CKAP2: variants seen among roughly 807,000 people sequenced by gnomAD.
CKAP2 encodes cytoskeleton associated protein 2.
Under a neutral mutation model 58.4 loss-of-function variants are expected in CKAP2, and 46 were observed. The ratio of observed to expected loss-of-function variants is 0.79; its 90% CI spans 0.62 to 1.01. The LOEUF (loss-of-function observed/expected upper bound fraction) is 1.01, where lower values mean the gene tolerates loss of function less well. Ranked by LOEUF, CKAP2 falls within the 50% of genes least tolerant of loss-of-function variation. CKAP2 has a pLI of 0.00. For missense variants in CKAP2, 809 were observed against 796.4 expected (o/e 1.02, Z -0.19); for synonymous variants, 293 against 280.9 (o/e 1.04, Z -0.43).
intron 7 of CKAP2, among the ~76,000 whole-genome samples, chr13:52,472,698 G>C (rs974583306): frequency 6.6e-6 from 1 of 152,046 alleles, no homozygotes; most frequent in Non-Finnish European, 1.5e-5. Flanking sequence ...TGGATAAGAC[G>C]CTCCTAATAC....
intron 7 of CKAP2, among the ~76,000 whole-genome samples, chr13:52,470,111 C>CTTT (rs34623381): frequency 1.4e-5 from 2 of 139,100 alleles, no homozygotes; most frequent in African/African-American, 5.3e-5. Context: ...TGAACTTTTT[C>CTTT]TTTTTTTTTT....
At chr13:52,458,481 G>GGT (rs1419387138) in intron 2 of CKAP2, among the ~76,000 whole-genome samples, 1 of 152,122 alleles carries the variant, frequency 6.6e-6, no homozygotes, top group Non-Finnish European at 1.5e-5. Flanking sequence ...AATCCAACAA[G>GGT]GTCAGGGGTT....
intron 6 of CKAP2, 124 bp from the exon 7 acceptor site, chr13:52,468,154 A>G: frequency 1.7e-6 from 1 of 598,806 alleles, no homozygotes; most frequent in African/African-American, 1.9e-5. Flanking sequence ...TCTGAGAAGC[A>G]TGGTTTAAGA....
Position 52,473,575 on chromosome 13 carries a change from G to A in CKAP2, c.1547-254G>A, listed in dbSNP as rs1386446221. 2.5e-5 allele frequency: 9 copies of A among 359,258 alleles called. No individual in the cohort carries two copies. In the East Asian group the frequency reaches 3.6e-4, roughly 14 times the overall value. The allele number at this position is 359,258 out of a possible 1,614,324, so 22.3% of individuals were successfully genotyped here. Reference sequence around the variant, plus strand: ...CCCTAACCATCTCCCTATACCACAGGCAAAGTTAGTTGTTTCTTTTTGTGG... The same window carrying A: ...CCCTAACCATCTCCCTATACCACAGACAAAGTTAGTTGTTTCTTTTTGTGG... On this transcript the variant is annotated intron_variant, in intron 7 of 8. Transcript: ENST00000258607.
At chr13:52,456,745 G>A (rs1394837202) in intron 2 of CKAP2, 138 bp downstream of exon 2, 2 of 644,800 alleles carry the variant, frequency 3.1e-6, no homozygotes, top group Non-Finnish European at 5.4e-6. Flanking sequence ...ATTATTTTAC[G>A]TCTTTTTGTG....
rs767464830 is a variant in CKAP2 at position 52,461,637 on chromosome 13, A to T, written c.811A>T (p.Ile271Phe). The T allele has an allele frequency of 9.9e-6, 16 of 1,614,086 alleles. No individual in the cohort carries two copies. Among genetic ancestry groups the T allele is most frequent in the Non-Finnish European group, 1.4e-5 (16 of 1,180,036 alleles). ...SNTRDTVKQGISRTSANVTIR... is the reference protein window; with the variant it reads ...SNTRDTVKQGFSRTSANVTIR... ...TACCCGGGACACTGTGAAACAAGGC[A>T]TCAGTAGAACTTCTGCCAATGTTAC... is the stretch of plus-strand genomic sequence containing the variant. The change falls in exon 4 of 9, where the codon ATC becomes TTC. Residue 271 changes from isoleucine (I) to phenylalanine (F), a missense_variant. Around this residue, in one of 3 missense-constraint regions of CKAP2, gnomAD observed 523 missense variants for 492.4 expected, o/e 1.06. Transcript: ENST00000258607.
intron 2 of CKAP2, among the ~76,000 whole-genome samples, chr13:52,458,768 A>G (rs908513868): frequency 6.6e-6 from 1 of 152,062 alleles, no homozygotes; most frequent in Non-Finnish European, 1.5e-5. Flanking sequence ...GAGGCAGAAG[A>G]ATCGCTTGAA....
Position 52,462,534 on chromosome 13 carries a change from C to T in CKAP2, c.1272C>T (p.Asn424=). 1 of 1,613,838 alleles carries T rather than the reference C, an allele frequency of 6.2e-7. No individual in the cohort carries two copies. Among genetic ancestry groups the T allele is most frequent in the East Asian group, 2.2e-5 (1 of 44,854 alleles). Residue 424 remains asparagine, a synonymous_variant, in exon 5 of 9, where the codon AAC becomes AAT. Coordinates refer to ENST00000258607, the MANE Select transcript of CKAP2 (RefSeq NM_018204.5). ...GATTATTTACTGAAAAAGTAAACAA[C>T]ACATTTTCTGAATGCCTGAACTTGA... is the stretch of plus-strand genomic sequence containing the variant. The part of the protein sequence containing the change: ...EQRLFTEKVN[N]TFSECLNLIN...
At chr13:52,473,804 T>C (rs757672939) in intron 7 of CKAP2, 25 bp from the exon 8 acceptor site, 1 of 1,561,442 alleles carries the variant, frequency 6.4e-7, no homozygotes, top group African/African-American at 1.4e-5. Flanking sequence ...GCCAAAAGCT[T>C]AATCTATAAA....
chr13:52,464,734 T>C (rs552296185), intron 5 of CKAP2, among the ~76,000 whole-genome samples: 2 of 152,250 alleles, frequency 1.3e-5, no homozygotes, highest in African/African-American at 4.8e-5. Flanking sequence ...TTTAATCTTG[T>C]TTTGGTCACC....
rs775705785 is a variant in CKAP2 at position 52,461,206 on chromosome 13, C to T, written c.380C>T (p.Pro127Leu). Reference sequence around the variant, plus strand: ...AAACCTAAGGATAGTAATCAAACTCCGCATTTGTTACTAACTGAAGATGAT... The same window carrying T: ...AAACCTAAGGATAGTAATCAAACTCTGCATTTGTTACTAACTGAAGATGAT... ...THKPKDSNQT[P>L]HLLLTEDDPQ... Residue 127 changes from proline to leucine, a missense_variant, in exon 4 of 9, where the codon CCG (proline) becomes CTG (leucine). By Grantham distance (98) the Pro-to-Leu change is moderately conservative (BLOSUM62 -3). Transcript: ENST00000258607. The T allele has an allele frequency of 7.4e-6, 12 of 1,613,882 alleles. No homozygotes were observed. The highest frequency in any genetic ancestry group is 1.6e-4 in the Middle Eastern group (1 of 6,062).
At position 52,475,080 on chromosome 13, in the gene CKAP2, C is replaced by G. The variant is rs959185768; in HGVS notation, c.1988C>G (p.Ala663Gly). 2 of 1,614,194 alleles carry G rather than the reference C, an allele frequency of 1.2e-6. No homozygotes were observed. The highest frequency in any genetic ancestry group is 1.7e-6 in the Non-Finnish European group (2 of 1,180,028). ...QLTELGRETD[A>G]FVCRPNAALC... ...ACGGAGTTGGGAAGAGAAACTGATGCTTTTGTATGCCGCCCTAATGCAGCA... is the reference window on the plus strand; with the variant it reads ...ACGGAGTTGGGAAGAGAAACTGATGGTTTTGTATGCCGCCCTAATGCAGCA... Residue 663 changes from alanine (A) to glycine (G), a missense_variant, in exon 9 of 9, where the codon GCT (alanine) becomes GGT (glycine). This residue lies in a region of CKAP2 where 283 missense variants were observed against 287.6 expected (regional missense o/e 0.98). Transcript: ENST00000258607.
rs201486101 is a variant in CKAP2, at chr13:52,473,047, T to TA, written c.1547-766dup. On this transcript the variant is annotated intron_variant, in intron 7 of 8. Transcript: ENST00000258607. Reference sequence around the variant, plus strand: ...GACAGAACGGCAGACACCCTGTCTCTAAAAAAAAAAAAAAAATGTTCTCAG... The same window carrying TA: ...GACAGAACGGCAGACACCCTGTCTCTAAAAAAAAAAAAAAAAATGTTCTCAG... 5.5e-3 allele frequency among the ~76,000 whole-genome samples: 759 copies of TA among 137,904 alleles called. 1 individual carries two copies. The highest frequency in any genetic ancestry group is 0.012 in the African/African-American group (468 of 37,638). 90.5% of individuals were successfully genotyped at this position (137,904 alleles called of 152,430 possible). A position where few individuals can be genotyped will look rare whatever the true frequency, so the allele number is the denominator to read the frequency against.
chr13:52,461,541 A>C lies in CKAP2; in HGVS notation c.715A>C (p.Thr239Pro), dbSNP rs368402985. 3.5e-5 allele frequency: 57 copies of C among 1,614,082 alleles called. No homozygotes were observed. The African/African-American group carries it at 7.1e-4, about 20-fold the overall frequency. The change falls in exon 4 of 9, where the codon ACT (threonine) becomes CCT (proline). Residue 239 changes from threonine (T) to proline (P), a missense_variant. Coordinates refer to ENST00000258607, the MANE Select transcript of CKAP2 (RefSeq NM_018204.5). ...SNRSSNMTAT[T>P]KFVSTTSQNT... Reference sequence around the variant, plus strand: ...TAGATCCTCCAATATGACTGCCACTACTAAATTTGTGAGCACTACATCTCA... The same window carrying C: ...TAGATCCTCCAATATGACTGCCACTCCTAAATTTGTGAGCACTACATCTCA...
intron 2 of CKAP2, among the ~76,000 whole-genome samples, chr13:52,459,929 A>C (rs1958543817): frequency 6.6e-6 from 1 of 152,026 alleles, no homozygotes. Context: ...CAGTGACGGG[A>C]TCTTGGCCCA....
rs1245264103 is a variant in CKAP2 at position 52,475,972 on chromosome 13, T to C, written c.*831T>C. ...TGAACAAATGTCATTCTAGTTTAGA[T>C]AGCATTTCTAAGATAACTGATACTA... On this transcript the variant is annotated 3_prime_UTR_variant, in exon 9 of 9. Coordinates refer to ENST00000258607, the MANE Select transcript of CKAP2 (RefSeq NM_018204.5). The C allele has an allele frequency of 1.3e-5, 2 of 152,204 alleles. No homozygotes were observed. Among genetic ancestry groups the C allele is most frequent in the African/African-American group, 4.8e-5 (2 of 41,448 alleles). 9.4% of individuals were successfully genotyped at this position (152,204 alleles called of 1,614,324 possible).
chr13:52,473,804 T>G (rs757672939), intron 7 of CKAP2, 25 bp from the exon 8 acceptor site: 2 of 1,561,560 alleles, frequency 1.3e-6, no homozygotes, highest in East Asian at 4.5e-5. Flanking sequence ...GCCAAAAGCT[T>G]AATCTATAAA....
At chr13:52,474,322 C>CA (rs1185156151) in intron 8 of CKAP2, among the ~76,000 whole-genome samples, 3 of 151,772 alleles carry the variant, frequency 2.0e-5, no homozygotes, top group Admixed American at 6.6e-5. Context: ...CCCATCTCTA[C>CA]AAAAAATAAA....
chr13:52,455,480 A>G lies in CKAP2; in HGVS notation c.-77A>G. 1 of 1,553,350 alleles carries G rather than the reference A, an allele frequency of 6.4e-7. No homozygotes were observed. Among genetic ancestry groups the G allele is most frequent in the Non-Finnish European group, 8.9e-7 (1 of 1,126,196 alleles). On this transcript the variant is annotated 5_prime_UTR_variant, in exon 1 of 9. Coordinates refer to ENST00000258607, the MANE Select transcript of CKAP2 (RefSeq NM_018204.5). Reference sequence around the variant, plus strand: ...CCGTCTGACGGCTTAGCCGCGGTGCAGACTGCGGCGGCGGTGGTCTGAGGA... The same window carrying G: ...CCGTCTGACGGCTTAGCCGCGGTGCGGACTGCGGCGGCGGTGGTCTGAGGA...
Sources: allele counts gnomAD v4.1 joint callset (sites outside exome capture counted in the v4.1 genomes callset), GRCh38; gene constraint gnomAD v4.1.1; regional missense constraint gnomAD v4.1.1; transcripts MANE v1.5; gene names NCBI Gene and HGNC (gene_info 2026-07-23, HGNC 2026-07-21).